The following PPP1R2 variants were observed in gnomAD, a reference collection of about 807,000 sequenced individuals.
The protein encoded by PPP1R2 is protein phosphatase inhibitor 2.
A neutral mutation model predicts 29.9 loss-of-function variants in PPP1R2; 16 were observed. The ratio of observed to expected loss-of-function variants is 0.53; its 90% CI spans 0.36 to 0.81. The LOEUF is 0.81. PPP1R2 is among the 30% of genes least tolerant of loss of function. The pLI is 0.00. For synonymous variants in PPP1R2, 76 were observed against 91.5 expected (o/e 0.83, Z 0.96); for missense variants, 197 against 252.7 (o/e 0.78, Z 1.49).
chr3:195,537,177 T>TA lies in PPP1R2; in HGVS notation c.122+5726dup, dbSNP rs1373621286. 2.7e-5 allele frequency among the ~76,000 whole-genome samples: 4 copies of TA among 146,286 alleles called. No homozygotes were observed. In the East Asian group the frequency reaches 8.1e-4, roughly 30 times the overall value. ...TATATACAATACATATGCTGATATA[T>TA]AAGTTTTAAGTATATGTAGTATAAG... is the stretch of plus-strand genomic sequence containing the variant. On this transcript the variant is annotated intron_variant, in intron 1 of 5. Coordinates refer to ENST00000618156, the MANE Select transcript of PPP1R2 (RefSeq NM_006241.8).
chr3:195,531,990 G>C (rs1719196889), intron 1 of PPP1R2, among the ~76,000 whole-genome samples: 1 of 152,132 alleles, frequency 6.6e-6, no homozygotes, highest in Non-Finnish European at 1.5e-5. Flanking sequence ...ATCTCACTAA[G>C]CATAATGTCT....
chr3:195,536,900 A>G (rs1719411138), intron 1 of PPP1R2, among the ~76,000 whole-genome samples: 1 of 151,980 alleles, frequency 6.6e-6, no homozygotes, highest in Admixed American at 6.6e-5. Flanking sequence ...CTAATGGGAA[A>G]GAAAGAACGC....
chr3:195,517,271 A>G (rs959503127), intron 5 of PPP1R2, among the ~76,000 whole-genome samples: 30 of 152,302 alleles, frequency 2.0e-4, no homozygotes, highest in African/African-American at 7.2e-4. Context: ...AAGCTATAAA[A>G]TATCACCTAA....
chr3:195,532,790 TA>T (rs940061990), intron 1 of PPP1R2, among the ~76,000 whole-genome samples: 1 of 152,138 alleles, frequency 6.6e-6, no homozygotes, highest in South Asian at 2.1e-4. Context: ...CAGAAATATT[TA>T]AAAAAACCTT....
At position 195,530,428 on chromosome 3, in the gene PPP1R2, GCT is replaced by G. The variant is rs200167356; in HGVS notation, c.123-529_123-528del. ...ATCATTAGATTGCAAATAAATTACAGCTCTGTTTATTTCTAATCTAGAAAAAT... is the reference window on the plus strand; with the variant it reads ...ATCATTAGATTGCAAATAAATTACAGCTGTTTATTTCTAATCTAGAAAAAT... On this transcript the variant is annotated intron_variant, in intron 1 of 5. Transcript: ENST00000618156. Among the ~76,000 whole-genome samples the G allele has an allele frequency of 3.5e-3, 537 of 152,248 alleles. 3 individuals carry two copies. Among genetic ancestry groups the G allele is most frequent in the African/African-American group, 0.012 (508 of 41,550 alleles).
At chr3:195,517,054 A>G (rs1718572967) in intron 5 of PPP1R2, 112 bp from the exon 6 acceptor site, 7 of 822,878 alleles carry the variant, frequency 8.5e-6, no homozygotes, top group African/African-American at 1.7e-5. Context: ...TTAAAAACAA[A>G]TAAGGTATAT....
At position 195,514,647 on chromosome 3, in the gene PPP1R2, G is replaced by GA. The variant is rs1181433148; in HGVS notation, c.*2248dup. ...AGGTAACACCAAATAGTTAAGCACA[G>GA]AAAGTGATACTGATTAAAAAGTTGA... On this transcript the variant is annotated 3_prime_UTR_variant, in exon 6 of 6. Transcript: ENST00000618156. 7.2e-5 allele frequency: 11 copies of GA among 152,196 alleles called. No individual in the cohort carries two copies. Among genetic ancestry groups the GA allele is most frequent in the Admixed American group, 1.3e-4 (2 of 15,276 alleles). The allele number at this position is 152,196 out of a possible 1,614,324, so 9.4% of individuals were successfully genotyped here. A position where few individuals can be genotyped will look rare whatever the true frequency, so the allele number is the denominator to read the frequency against.
rs192931469 is a variant in PPP1R2, at chr3:195,520,238, G to A, written c.404-1053C>T. ...TTGGCCAGGTTGGTCTCCAACTCCT[G>A]ACCTCAGGTGATCCGCCTGCCTTGG... On this transcript the variant is annotated intron_variant, in intron 4 of 5. Coordinates refer to ENST00000618156, the MANE Select transcript of PPP1R2 (RefSeq NM_006241.8). Among the ~76,000 whole-genome samples, 7 of 152,314 alleles carry A rather than the reference G, an allele frequency of 4.6e-5. No individual in the cohort carries two copies. In the East Asian group the frequency reaches 1.2e-3, roughly 25 times the overall value.
chr3:195,515,010 C>CAAA lies in PPP1R2; in HGVS notation c.*1883_*1885dup, dbSNP rs3988245. 8.5e-4 allele frequency: 179 copies of CAAA among 210,908 alleles called. No individual in the cohort carries two copies. Among genetic ancestry groups the CAAA allele is most frequent in the Middle Eastern group, 2.0e-3 (1 of 500 alleles). 13.1% of individuals were successfully genotyped at this position (210,908 alleles called of 1,614,324 possible). A position where few individuals can be genotyped will look rare whatever the true frequency, so the allele number is the denominator to read the frequency against. ...CTTCACTCTATGACAGCTACTTCTACAAAAAAAAAAAAAGAGTATGTGGGT... is the reference window on the plus strand; with the variant it reads ...CTTCACTCTATGACAGCTACTTCTACAAAAAAAAAAAAAAAAGAGTATGTGGGT... On this transcript the variant is annotated 3_prime_UTR_variant, in exon 6 of 6. Transcript: ENST00000618156.
intron 2 of PPP1R2, among the ~76,000 whole-genome samples, chr3:195,526,637 T>G (rs1361376402): frequency 6.6e-6 from 1 of 152,084 alleles, no homozygotes; most frequent in African/African-American, 2.4e-5. Context: ...TCTTTAGAGA[T>G]AAGGTCTCCC....
chr3:195,523,670 A>T, intron 4 of PPP1R2, 22 bp downstream of exon 4: 5 of 1,578,502 alleles, frequency 3.2e-6, no homozygotes, highest in Non-Finnish European at 3.5e-6. Context: ...CCATGATGAA[A>T]GCAGTAAAGG....
At chr3:195,536,413 G>A (rs566878485) in intron 1 of PPP1R2, among the ~76,000 whole-genome samples, 5 of 151,648 alleles carry the variant, frequency 3.3e-5, no homozygotes, top group Middle Eastern at 3.4e-3. Context: ...ATGCTTTTCT[G>A]TATGTATATT....
chr3:195,514,488 A>T lies in PPP1R2; in HGVS notation c.*2408T>A, dbSNP rs994110673. ...TATACTAACTGAAAGGGAAAAATGT[A>T]AACAAAACCAAAGTCATGGGGAAAA... On this transcript the variant is annotated 3_prime_UTR_variant, in exon 6 of 6. Coordinates refer to ENST00000618156, the MANE Select transcript of PPP1R2 (RefSeq NM_006241.8). 7 of 152,216 alleles carry T rather than the reference A, an allele frequency of 4.6e-5. No individual in the cohort carries two copies. Among genetic ancestry groups the T allele is most frequent in the African/African-American group, 1.7e-4 (7 of 41,438 alleles). The allele number at this position is 152,216 out of a possible 1,614,324, so 9.4% of individuals were successfully genotyped here.
chr3:195,524,849 T>C lies in PPP1R2; in HGVS notation c.278A>G (p.Glu93Gly), dbSNP rs768509445. Residue 93 changes from glutamate (E) to glycine (G), a missense_variant, in exon 3 of 6, where the codon GAA becomes GGA. Around this residue, in one of 3 missense-constraint regions of PPP1R2, gnomAD observed 135 missense variants for 163.0 expected, o/e 0.83. Transcript: ENST00000618156. Reference protein sequence around the residue: ...EDACSDTEATEAMAPDILARK... With the variant: ...EDACSDTEATGAMAPDILARK... ...GGCTAAGATGTCTGGCGCCATGGCT[T>C]CAGTGGCCTCGGTGTCACTACAGGC... The C allele has an allele frequency of 6.2e-7, 1 of 1,614,180 alleles. No homozygotes were observed. Among genetic ancestry groups the C allele is most frequent in the South Asian group, 1.1e-5 (1 of 91,082 alleles).
rs1488184084 is a variant in PPP1R2, at chr3:195,543,046, G to A, written c.-21C>T. ...GCCATTGCCGGGCGCTCCGGCTGTC[G>A]GCTCAGGGTCGCTGCTTGGCGTGGG... On this transcript the variant is annotated 5_prime_UTR_variant, in exon 1 of 6. Transcript: ENST00000618156. The A allele has an allele frequency of 8.2e-6, 13 of 1,592,978 alleles. No individual in the cohort carries two copies. The African/African-American group carries it at 1.6e-4, about 20-fold the overall frequency.
intron 2 of PPP1R2, among the ~76,000 whole-genome samples, chr3:195,526,473 G>T (rs573423713): frequency 6.6e-6 from 1 of 152,194 alleles, no homozygotes; most frequent in East Asian, 1.9e-4. Context: ...GATAAAAGCA[G>T]GACACAGGTT....
chr3:195,518,310 G>C (rs1718623728), intron 5 of PPP1R2, among the ~76,000 whole-genome samples: 1 of 152,136 alleles, frequency 6.6e-6, no homozygotes, highest in South Asian at 2.1e-4. Context: ...GGAAAGATAT[G>C]ACATACTTTG....
intron 4 of PPP1R2, among the ~76,000 whole-genome samples, chr3:195,522,211 G>A (rs1052624170): frequency 1.2e-4 from 19 of 152,044 alleles, no homozygotes; most frequent in African/African-American, 3.6e-4. Flanking sequence ...ACGGAGGCTC[G>A]GAGAAATTAT....
chr3:195,539,986 A>G (rs1318624356), intron 1 of PPP1R2, among the ~76,000 whole-genome samples: 1 of 152,208 alleles, frequency 6.6e-6, no homozygotes, highest in Non-Finnish European at 1.5e-5. Context: ...TTTACGTAAA[A>G]TAACATCCTC....
Sources: gnomAD v4.1 joint callset for allele counts (sites outside exome capture counted in the v4.1 genomes callset) on GRCh38, gnomAD v4.1.1 for gene constraint, gnomAD v4.1.1 regional missense constraint, MANE v1.5 for transcripts, NCBI Gene and HGNC (gene_info 2026-07-23, HGNC 2026-07-21) for gene names.